The following MAP2K4 variants were observed in gnomAD, a reference collection of about 807,000 sequenced individuals.
The protein encoded by MAP2K4 is mitogen-activated protein kinase kinase 4.
Under a neutral mutation model 48.5 loss-of-function variants are expected in MAP2K4, and 4 were observed. The ratio of observed to expected loss-of-function variants is 0.08; its 90% CI spans 0.04 to 0.19. The LOEUF is 0.19. Among genes scored for constraint, MAP2K4 ranks in the 10% least tolerant of loss-of-function variants. MAP2K4 has a pLI of 1.00. For missense variants in MAP2K4, 258 were observed against 493.3 expected, an observed-to-expected ratio of 0.52 and a Z score of 4.52; for synonymous variants, 166 against 173.1, an observed-to-expected ratio of 0.96 and a Z score of 0.32.
chr17:12,078,561 C>A (rs941394833), intron 2 of MAP2K4, among the ~76,000 whole-genome samples: 2 of 152,050 alleles, frequency 1.3e-5, no homozygotes, highest in Admixed American at 6.6e-5. Context: ...AATATAGTCC[C>A]CATTCTGAAG....
intron 3 of MAP2K4, among the ~76,000 whole-genome samples, chr17:12,083,054 G>A (rs1021176559): frequency 6.6e-6 from 1 of 152,136 alleles, no homozygotes; most frequent in Non-Finnish European, 1.5e-5. Flanking sequence ...AGTTAAAGTT[G>A]TAAACTTTTC....
intron 1 of MAP2K4, among the ~76,000 whole-genome samples, chr17:12,023,981 C>T (rs1021277769): frequency 6.6e-6 from 1 of 152,132 alleles, no homozygotes; most frequent in Non-Finnish European, 1.5e-5. Flanking sequence ...TTAATGGTCC[C>T]TTTTACTATT....
At position 12,130,014 on chromosome 17, in the gene MAP2K4, A is replaced by G. The variant is rs1972974244; in HGVS notation, c.1040+727A>G. Among the ~76,000 whole-genome samples the G allele has an allele frequency of 2.0e-5, 3 of 152,312 alleles. No individual in the cohort carries two copies. The South Asian group carries it at 6.2e-4, about 32-fold the overall frequency. On this transcript the variant is annotated intron_variant, in intron 9 of 10. Coordinates refer to ENST00000353533, the MANE Select transcript of MAP2K4 (RefSeq NM_003010.4). ...TTGACATTTATTTTGTTTATCCAACATGATTTAAATATAAGACATGCTATG... is the reference window on the plus strand; with the variant it reads ...TTGACATTTATTTTGTTTATCCAACGTGATTTAAATATAAGACATGCTATG...
chr17:12,072,483 A>G (rs1378150813), intron 2 of MAP2K4, among the ~76,000 whole-genome samples: 2 of 152,226 alleles, frequency 1.3e-5, no homozygotes, highest in African/African-American at 4.8e-5. Context: ...TTAACAAAAC[A>G]TTTGAATTGT....
intron 4 of MAP2K4, among the ~76,000 whole-genome samples, chr17:12,097,954 A>T (rs1444738412): frequency 6.6e-6 from 1 of 152,236 alleles, no homozygotes; most frequent in Non-Finnish European, 1.5e-5. Context: ...TAGATGAAAC[A>T]TGAACTTTCC....
At chr17:12,129,061 AT>A in intron 8 of MAP2K4, 77 bp from the exon 9 acceptor site, 5 of 1,449,780 alleles carry the variant, frequency 3.4e-6, no homozygotes, top group Non-Finnish European at 4.7e-6. Context: ...TGTAGTTTAG[AT>A]TTTTTTGTGG....
At chr17:12,029,359 GATATTTATTCTAAGATTTAATT>G (rs1969358726) in intron 1 of MAP2K4, among the ~76,000 whole-genome samples, 1 of 152,022 alleles carries the variant, frequency 6.6e-6, no homozygotes, top group African/African-American at 2.4e-5. Context: ...TATTATTCTT[GATATTTATTCTAAGATTTAATT>G]AAACTTGCCT....
At chr17:12,077,970 A>AT (rs1971068864) in intron 2 of MAP2K4, among the ~76,000 whole-genome samples, 1 of 152,156 alleles carries the variant, frequency 6.6e-6, no homozygotes, top group Admixed American at 6.5e-5. Context: ...AAGGACACTA[A>AT]TCCCAGTGGA....
chr17:12,075,592 A>G (rs28923172), intron 2 of MAP2K4, among the ~76,000 whole-genome samples: 1 of 152,312 alleles, frequency 6.6e-6, no homozygotes, highest in African/African-American at 2.4e-5. Flanking sequence ...GCAGTTAATA[A>G]TAATACAAAA....
chr17:12,114,042 C>T (rs1444289652), intron 7 of MAP2K4, among the ~76,000 whole-genome samples: 1 of 152,176 alleles, frequency 6.6e-6, no homozygotes, highest in Non-Finnish European at 1.5e-5. Context: ...TGGGGACCAG[C>T]ACACTACTAA....
intron 1 of MAP2K4, among the ~76,000 whole-genome samples, chr17:12,037,496 A>C (rs578050802): frequency 6.6e-6 from 1 of 152,326 alleles, no homozygotes; most frequent in East Asian, 1.9e-4. Context: ...TCCTCGTTTT[A>C]TGTAGCAAAA....
intron 9 of MAP2K4, among the ~76,000 whole-genome samples, chr17:12,130,396 G>A (rs1597498989): frequency 6.6e-6 from 1 of 152,064 alleles, no homozygotes; most frequent in East Asian, 1.9e-4. Context: ...CACACAGTAT[G>A]GATAGTTTAT....
chr17:12,061,561 A>G (rs913658241), intron 2 of MAP2K4, among the ~76,000 whole-genome samples: 2 of 152,196 alleles, frequency 1.3e-5, no homozygotes, highest in African/African-American at 4.8e-5. Flanking sequence ...ATTCTGGAAT[A>G]TGTATTTGCA....
chr17:12,055,751 T>TA (rs1396384079), intron 2 of MAP2K4, among the ~76,000 whole-genome samples: 1 of 152,212 alleles, frequency 6.6e-6, no homozygotes, highest in African/African-American at 2.4e-5. Flanking sequence ...GCATTGTATT[T>TA]ACAAACAGTA....
rs150777943 is a variant in MAP2K4 at position 12,088,778 on chromosome 17, A to C, written c.394-6797A>C. 1.4e-3 allele frequency among the ~76,000 whole-genome samples: 219 copies of C among 151,064 alleles called. 2 individuals carry two copies. In the East Asian group the frequency reaches 0.034, roughly 23 times the overall value. On this transcript the variant is annotated intron_variant, in intron 3 of 10. Transcript: ENST00000353533. ...GGTAATTAAATATTTACTAATATCT[A>C]CCTGGTACAAAAGGTGGACAACTGT... is the stretch of plus-strand genomic sequence containing the variant.
At chr17:12,058,802 C>A (rs1203572698) in intron 2 of MAP2K4, among the ~76,000 whole-genome samples, 2 of 152,070 alleles carry the variant, frequency 1.3e-5, no homozygotes, top group Non-Finnish European at 2.9e-5. Context: ...TAGAATAAAT[C>A]TTTAATATCA....
At chr17:12,116,678 G>C (rs965519218) in intron 7 of MAP2K4, among the ~76,000 whole-genome samples, 2 of 152,024 alleles carry the variant, frequency 1.3e-5, no homozygotes, top group African/African-American at 4.8e-5. Context: ...ACATGGGCGC[G>C]ATCAATCACT....
intron 8 of MAP2K4, among the ~76,000 whole-genome samples, chr17:12,127,200 G>T (rs1409518019): frequency 6.6e-6 from 1 of 152,088 alleles, no homozygotes; most frequent in Non-Finnish European, 1.5e-5. Flanking sequence ...ACTTTACTTT[G>T]TGACCAAATA....
At chr17:12,030,385 C>T (rs565214167) in intron 1 of MAP2K4, among the ~76,000 whole-genome samples, 3 of 152,084 alleles carry the variant, frequency 2.0e-5, no homozygotes, top group African/African-American at 7.2e-5. Context: ...CCCCAGAATT[C>T]GTTCACCTGG....
Sources: allele counts gnomAD v4.1 joint callset (sites outside exome capture counted in the v4.1 genomes callset), GRCh38; gene constraint gnomAD v4.1.1; transcripts MANE v1.5; gene names NCBI Gene and HGNC (gene_info 2026-07-23, HGNC 2026-07-21).